The following KCP variants were observed in gnomAD, a reference collection of about 807,000 sequenced individuals.
The protein encoded by KCP is kielin/chordin-like protein.
A neutral mutation model predicts 212.7 loss-of-function variants in KCP; 194 were observed. The observed-to-expected ratio is 0.91, with a 90% CI of 0.81 to 1.03. The LOEUF is 1.03. Ranked by LOEUF, KCP falls within the 50% of genes least tolerant of loss-of-function variation. The probability of loss-of-function intolerance (pLI) is 0.00; values close to 1 mark genes in which losing one functional copy is unlikely to be tolerated. For missense variants in KCP, 2,080 were observed against 2,162.5 expected, an observed-to-expected ratio of 0.96 and a Z score of 0.76; for synonymous variants, 833 against 865.3, an observed-to-expected ratio of 0.96 and a Z score of 0.65.
At position 128,880,050 on chromosome 7, in the gene KCP, G is replaced by A; in HGVS notation, c.3795C>T (p.Cys1265=). The A allele has an allele frequency of 6.5e-7, 1 of 1,547,244 alleles. No homozygotes were observed. The highest frequency in any genetic ancestry group is 8.7e-7 in the Non-Finnish European group (1 of 1,146,132). Residue 1265 remains cysteine, a synonymous_variant, in exon 35 of 40, where the codon TGC becomes TGT. Coordinates refer to ENST00000610776, the MANE Select transcript of KCP (RefSeq NM_001366122.1). ...AAGCGGGCCGAGGCAGGCAGCGGGG[G>A]CAGCAGCTGCCAGGACTCAGGGCAG... ...KAPALSPGSC[C]PRCLPRPASC...
chr7:128,893,573 G>T, intron 11 of KCP, 97 bp from the exon 12 acceptor site: 1 of 1,079,746 alleles, frequency 9.3e-7, no homozygotes, highest in South Asian at 1.4e-5. Context: ...TGACAAAGAA[G>T]ACCCAGCCGA....
Position 128,879,541 on chromosome 7 carries a change from T to A in KCP, c.4127A>T (p.His1376Leu). Residue 1376 changes from histidine (H) to leucine (L), a missense_variant, in exon 37 of 40, where the codon CAC becomes CTC. Physicochemically the swap from His to Leu is moderately conservative, Grantham distance 99. Coordinates refer to ENST00000610776, the MANE Select transcript of KCP (RefSeq NM_001366122.1). The part of the protein sequence containing the change: ...VELRGHTVIL[H>L]AQPGLQVLWD... ...CCGCACCTGGAGCCCGGGCTGGGCG[T>A]GCAGGATCACAGTGTGTCCTCGCAG... 1 of 1,549,844 alleles carries A rather than the reference T, an allele frequency of 6.5e-7. No homozygotes were observed. The highest frequency in any genetic ancestry group is 1.4e-5 in the African/African-American group (1 of 73,044).
chr7:128,887,671 C>CCA (rs1369160187), intron 22 of KCP, among the ~76,000 whole-genome samples: 5 of 144,970 alleles, frequency 3.4e-5, no homozygotes, highest in East Asian at 2.1e-4. Context: ...ATACATACAG[C>CCA]CACACACACA....
chr7:128,904,110 C>T lies in KCP; in HGVS notation c.600G>A (p.Glu200=). The T allele has an allele frequency of 6.4e-7, 1 of 1,551,650 alleles. No individual in the cohort carries two copies. The highest frequency in any genetic ancestry group is 8.7e-7 in the Non-Finnish European group (1 of 1,146,946). The stretch of plus-strand genomic sequence containing the variant: ...AGCTGGACAGGAAGGTGACCCCCTC[C>T]TCATAAAGCTGCCCCTCATAATCAC... The part of the protein sequence containing the change: ...PGCDYEGQLY[E]EGVTFLSSSN... The change falls in exon 6 of 40, where the codon GAG becomes GAA. Residue 200 remains glutamate, a synonymous_variant. Transcript: ENST00000610776.
chr7:128,895,199 TCATA>T (rs1253104720), intron 8 of KCP, among the ~76,000 whole-genome samples: 3 of 152,086 alleles, frequency 2.0e-5, no homozygotes, highest in East Asian at 1.9e-4. Context: ...CCCAGGAAAC[TCATA>T]CAGATACATA....
chr7:128,899,416 CTT>C (rs1337788738), intron 8 of KCP, among the ~76,000 whole-genome samples: 2 of 152,256 alleles, frequency 1.3e-5, no homozygotes, highest in African/African-American at 4.8e-5. Flanking sequence ...TTTCTGATAA[CTT>C]TGGAGATTGT....
In KCP at chr7:128,881,624, AC is replaced by A; in HGVS notation, c.3424+1del. ...GGGTGGAGGCCAAGGCTGGGCACTT[AC>A]CCCGGCATACGGGGCAGCAGCTCCC... On this transcript the variant is annotated splice_donor_variant, in intron 31 of 39. Coordinates refer to ENST00000610776, the MANE Select transcript of KCP (RefSeq NM_001366122.1). LOFTEE classifies it high-confidence loss of function. The A allele has an allele frequency of 6.7e-7, 1 of 1,490,668 alleles. No individual in the cohort carries two copies. Among genetic ancestry groups the A allele is most frequent in the Non-Finnish European group, 8.9e-7 (1 of 1,124,394 alleles). 92.3% of individuals were successfully genotyped at this position (1,490,668 alleles called of 1,614,324 possible). A position where few individuals can be genotyped will look rare whatever the true frequency, so the allele number is the denominator to read the frequency against.
In KCP at chr7:128,890,315, C is replaced by G. The variant is rs761399028; in HGVS notation, c.2335+28G>C. ...CCCTCTGGTCTCCCGCATCCCACCC[C>G]GGCAGCTCCCTATCCCATGACCCTC... On this transcript the variant is annotated intron_variant, in intron 21 of 39. Coordinates refer to ENST00000610776, the MANE Select transcript of KCP (RefSeq NM_001366122.1). The G allele has an allele frequency of 6.4e-6, 10 of 1,551,422 alleles. No homozygotes were observed. In the South Asian group the frequency reaches 7.1e-5, roughly 11 times the overall value.
chr7:128,891,016 G>A lies in KCP; in HGVS notation c.2053C>T (p.Pro685Ser). The change falls in exon 20 of 40, where the codon CCC becomes TCC. Residue 685 changes from proline (P) to serine (S), a missense_variant. Pro to Ser is a moderately conservative substitution (Grantham distance 74). Coordinates refer to ENST00000610776, the MANE Select transcript of KCP (RefSeq NM_001366122.1). ...HQEYFSPPGD[P>S]CRRCLCLDGS... ...TCGAGGCAGAGGCAGCGGCGGCAGG[G>A]ATCGCCGGGCGGGGAGAAGTACTCC... 7.4e-7 allele frequency: 1 copy of A among 1,347,638 alleles called. No homozygotes were observed. The highest frequency in any genetic ancestry group is 9.5e-7 in the Non-Finnish European group (1 of 1,055,230). The allele number at this position is 1,347,638 out of a possible 1,614,324, so 83.5% of individuals were successfully genotyped here. A position where few individuals can be genotyped will look rare whatever the true frequency, so the allele number is the denominator to read the frequency against.
chr7:128,906,649 G>C (rs972904179), intron 4 of KCP, among the ~76,000 whole-genome samples: 1 of 152,110 alleles, frequency 6.6e-6, no homozygotes, highest in Non-Finnish European at 1.5e-5. Flanking sequence ...TCTCAGGGAG[G>C]AAGGAGGAAG....
At position 128,907,132 on chromosome 7, in the gene KCP, G is replaced by A. The variant is rs1563055436; in HGVS notation, c.455C>T (p.Ser152Phe). 3 of 1,551,428 alleles carry A rather than the reference G, an allele frequency of 1.9e-6. No homozygotes were observed. Among genetic ancestry groups the A allele is most frequent in the Non-Finnish European group, 2.6e-6 (3 of 1,146,940 alleles). The change falls in exon 4 of 40, where the codon TCC (serine) becomes TTC (phenylalanine). Residue 152 changes from serine to phenylalanine, a missense_variant. Coordinates refer to ENST00000610776, the MANE Select transcript of KCP (RefSeq NM_001366122.1). Reference protein sequence around the residue: ...GQTYGNGETFSPDACTTCRCL... With the variant: ...GQTYGNGETFFPDACTTCRCL... The stretch of plus-strand genomic sequence containing the variant: ...GCGGCAGGTGGTGCAGGCATCTGGG[G>A]AGAAGGTCTCCCCGTTGCCGTAGGT...
chr7:128,879,611 G>T lies in KCP; in HGVS notation c.4057C>A (p.Pro1353Thr). Residue 1353 changes from proline (P) to threonine (T), a missense_variant, in exon 37 of 40, where the codon CCG becomes ACG. Physicochemically the swap from Pro to Thr is conservative, Grantham distance 38. Coordinates refer to ENST00000610776, the MANE Select transcript of KCP (RefSeq NM_001366122.1). ...QDGAVTVDGH[P>T]VALPFLQEPL... The stretch of plus-strand genomic sequence containing the variant: ...TCCTGCAGGAAGGGCAAGGCCACCG[G>T]GTGCCCATCCACCTGGAGGATAAAG... 6.4e-7 allele frequency: 1 copy of T among 1,550,536 alleles called. No homozygotes were observed. The highest frequency in any genetic ancestry group is 1.2e-5 in the South Asian group (1 of 84,056).
chr7:128,903,915 G>A (rs1180187129), intron 6 of KCP, 95 bp from the exon 7 acceptor site: 8 of 1,380,254 alleles, frequency 5.8e-6, no homozygotes, highest in Non-Finnish European at 8.1e-6. Flanking sequence ...GGGGGCACAG[G>A]GCAGGGATGG....
chr7:128,883,449 T>C (rs7784859), intron 29 of KCP, among the ~76,000 whole-genome samples: 55,336 of 151,942 alleles, frequency 0.36, 11,540 homozygotes, highest in African/African-American at 0.57. Flanking sequence ...GTTTTTTCTA[T>C]GTAAGGATAA....
At chr7:128,894,756 A>G (rs1794416707) in intron 8 of KCP, among the ~76,000 whole-genome samples, 1 of 152,060 alleles carries the variant, frequency 6.6e-6, no homozygotes, top group Non-Finnish European at 1.5e-5. Context: ...ACAGGCACGC[A>G]CCACCATGCC....
rs557145820 is a variant in KCP at position 128,906,279 on chromosome 7, C to G, written c.571G>C (p.Gly191Arg). The stretch of plus-strand genomic sequence containing the variant: ...GGGCTGAGACTGGCAGGAGGCTGAC[C>G]TGGCTTACAGTGCGGGCAGCATGCT... ...PGACCPHCKP[G>R]CDYEGQLYEE... is the part of the protein sequence containing the mutation. The change falls in exon 5 of 40, where the codon GGC becomes CGC. Residue 191 changes from glycine to arginine, a missense_variant and splice_region_variant. By Grantham distance (125) the Gly-to-Arg change is moderately radical. Coordinates refer to ENST00000610776, the MANE Select transcript of KCP (RefSeq NM_001366122.1). 81 of 1,550,704 alleles carry G rather than the reference C, an allele frequency of 5.2e-5. No individual in the cohort carries two copies. In the East Asian group the frequency reaches 1.0e-3, roughly 19 times the overall value.
rs1209900390 is a variant in KCP at position 128,893,967 on chromosome 7, C to G, written c.1005+9G>C. On this transcript the variant is annotated intron_variant, in intron 10 of 39. Transcript: ENST00000610776. ...AGCCAGGCCCTCCCTGCCAGGCAGC[C>G]ACACTCACAGCACAGCGGCAGTGCG... 17 of 1,549,516 alleles carry G rather than the reference C, an allele frequency of 1.1e-5. No homozygotes were observed. The highest frequency in any genetic ancestry group is 1.2e-5 in the Non-Finnish European group (14 of 1,146,012).
intron 5 of KCP, among the ~76,000 whole-genome samples, chr7:128,905,404 C>A (rs1343974451): frequency 6.6e-6 from 1 of 152,112 alleles, no homozygotes; most frequent in Non-Finnish European, 1.5e-5. Flanking sequence ...ATAGCCATGA[C>A]CTCCTCTTCC....
Position 128,878,580 on chromosome 7 carries a change from G to A in KCP, c.4289C>T (p.Ala1430Val), listed in dbSNP as rs948724680. ...CACCTGCCAGCTATTCCCAAACGCAGCCTCCGAGGGCAGGAGCAGCCCCTC... is the reference window on the plus strand; with the variant it reads ...CACCTGCCAGCTATTCCCAAACGCAACCTCCGAGGGCAGGAGCAGCCCCTC... Reference protein sequence around the residue: ...GPEGLLLPSEAAFGNSWQVSE... With the variant: ...GPEGLLLPSEVAFGNSWQVSE... The change falls in exon 38 of 40, where the codon GCT becomes GTT. Residue 1430 changes from alanine (A) to valine (V), a missense_variant. Transcript: ENST00000610776. 22 of 1,551,178 alleles carry A rather than the reference G, an allele frequency of 1.4e-5. No individual in the cohort carries two copies. The highest frequency in any genetic ancestry group is 3.9e-5 in the Admixed American group (2 of 50,962).
Sources: gnomAD v4.1 joint callset for allele counts (sites outside exome capture counted in the v4.1 genomes callset) on GRCh38, gnomAD v4.1.1 for gene constraint, MANE v1.5 for transcripts, NCBI Gene and HGNC (gene_info 2026-07-23, HGNC 2026-07-21) for gene names.